Variants in MAGI1 observed in about 807,000 individuals in gnomAD.
MAGI1 encodes membrane associated guanylate kinase, WW and PDZ domain containing 1.
In MAGI1, 58 loss-of-function variants were observed where a neutral mutation model predicts 139.9. That is an observed-to-expected ratio of 0.41 (90% CI 0.34 to 0.52). MAGI1 has a LOEUF of 0.52. Among genes scored for constraint, MAGI1 ranks in the 20% least tolerant of loss-of-function variants. MAGI1 has a pLI of 0.12. For missense variants in MAGI1, 1,874 were observed against 1,901.6 expected, an observed-to-expected ratio of 0.99 and a Z score of 0.27; for synonymous variants, 812 against 737.9, an observed-to-expected ratio of 1.10 and a Z score of -1.63.
chr3:65,615,180 T>C (rs1559722716), intron 2 of MAGI1, among the ~76,000 whole-genome samples: 1 of 152,162 alleles, frequency 6.6e-6, no homozygotes, highest in Admixed American at 6.5e-5. Flanking sequence ...TCAGTTTTAT[T>C]GCTGACAAAA....
At chr3:65,689,066 T>G (rs1368749825) in intron 1 of MAGI1, among the ~76,000 whole-genome samples, 2 of 152,202 alleles carry the variant, frequency 1.3e-5, no homozygotes, top group Non-Finnish European at 1.5e-5. Context: ...GTCACTAAAA[T>G]GTGGCATCTA....
intron 2 of MAGI1, among the ~76,000 whole-genome samples, chr3:65,523,409 GGAAGAGAGGGAGGC>G (rs1230243947): frequency 2.0e-5 from 3 of 151,446 alleles, no homozygotes; most frequent in Non-Finnish European, 4.4e-5. Context: ...ATTTTAAAAA[GGAAGAGAGGGAGGC>G]GAAGAGAGGG....
At chr3:65,904,000 T>C (rs1290071685) in intron 1 of MAGI1, among the ~76,000 whole-genome samples, 2 of 151,010 alleles carry the variant, frequency 1.3e-5, no homozygotes, top group Admixed American at 6.6e-5. Flanking sequence ...AGAGCAAGAC[T>C]CTTTCTCAAA....
intron 7 of MAGI1, among the ~76,000 whole-genome samples, chr3:65,447,071 C>A (rs1228745277): frequency 6.6e-6 from 1 of 152,150 alleles, no homozygotes; most frequent in Non-Finnish European, 1.5e-5. Context: ...AAATGCCAGG[C>A]AGATTCAATA....
intron 2 of MAGI1, among the ~76,000 whole-genome samples, chr3:65,600,725 T>C (rs911602874): frequency 1.3e-5 from 2 of 152,378 alleles, no homozygotes; most frequent in East Asian, 1.9e-4. Flanking sequence ...ACTTCTTTAC[T>C]GGCAATTTTT....
chr3:65,621,886 T>C (rs1260980653), intron 2 of MAGI1, 86 bp downstream of exon 2: 5 of 919,472 alleles, frequency 5.4e-6, no homozygotes, highest in East Asian at 2.6e-5. Flanking sequence ...CCAGAACCAG[T>C]TGTTGAGATC....
At chr3:65,801,828 G>T (rs1403993046) in intron 1 of MAGI1, among the ~76,000 whole-genome samples, 3 of 152,092 alleles carry the variant, frequency 2.0e-5, no homozygotes, top group African/African-American at 7.2e-5. Flanking sequence ...CAAACCCCGG[G>T]CCACAGACTG....
intron 1 of MAGI1, among the ~76,000 whole-genome samples, chr3:65,785,864 T>G (rs1393523624): frequency 6.6e-6 from 1 of 152,124 alleles, no homozygotes; most frequent in Non-Finnish European, 1.5e-5. Context: ...AGAGACATTG[T>G]GTGAAATCAA....
chr3:65,979,910 A>G (rs911725289), intron 1 of MAGI1, among the ~76,000 whole-genome samples: 1 of 152,220 alleles, frequency 6.6e-6, no homozygotes, highest in African/African-American at 2.4e-5. Context: ...CCAGAGAGTC[A>G]TCTTGAAAGT....
chr3:65,462,527 T>C (rs902309405), intron 5 of MAGI1, among the ~76,000 whole-genome samples: 1 of 152,214 alleles, frequency 6.6e-6, no homozygotes, highest in African/African-American at 2.4e-5. Context: ...TGTAGCCTTG[T>C]AGTATAGTTT....
At chr3:65,478,504 G>A in intron 4 of MAGI1, 88 bp downstream of exon 4, 1 of 1,309,492 alleles carries the variant, frequency 7.6e-7, no homozygotes, top group East Asian at 2.3e-5. Context: ...TCCCTCCTGA[G>A]AACAGCATCC....
At chr3:65,453,228 A>G in intron 6 of MAGI1, 30 bp downstream of exon 6, 2 of 1,606,284 alleles carry the variant, frequency 1.2e-6, no homozygotes, top group South Asian at 2.2e-5. Flanking sequence ...CCCCCAATTC[A>G]CTTAACCCAA....
intron 2 of MAGI1, chr3:65,619,729 G>A (rs1171456387): frequency 2.5e-6 from 1 of 395,232 alleles, no homozygotes; most frequent in Non-Finnish European, 3.4e-6. Flanking sequence ...TAAGTCGAAA[G>A]AATCCCAAGT....
chr3:65,748,195 T>A (rs1408611996), intron 1 of MAGI1, among the ~76,000 whole-genome samples: 1 of 152,198 alleles, frequency 6.6e-6, no homozygotes, highest in Non-Finnish European at 1.5e-5. Context: ...TGCTCTTATT[T>A]TATTCCTAAA....
At chr3:65,502,379 G>C (rs906385627) in intron 2 of MAGI1, among the ~76,000 whole-genome samples, 2 of 134,810 alleles carry the variant, frequency 1.5e-5, no homozygotes, top group Non-Finnish European at 3.1e-5. Flanking sequence ...ATGTCAATTT[G>C]AGACTTTCTG....
Position 65,478,815 on chromosome 3 carries a change from C to A in MAGI1, c.551-17G>T, listed in dbSNP as rs1458845816. The stretch of plus-strand genomic sequence containing the variant: ...AATAGTTTCCTAGGTGATGGAGAGA[C>A]ACATTTGCATGTTTCAAAAGGAATA... On this transcript the variant is annotated splice_polypyrimidine_tract_variant and intron_variant, in intron 3 of 22. Coordinates refer to ENST00000402939, the MANE Select transcript of MAGI1 (RefSeq NM_001033057.2). 35 of 1,580,442 alleles carry A rather than the reference C, an allele frequency of 2.2e-5. No individual in the cohort carries two copies. The highest frequency in any genetic ancestry group is 3.0e-5 in the Non-Finnish European group (35 of 1,150,562).
At chr3:65,694,340 T>A (rs1297642786) in intron 1 of MAGI1, among the ~76,000 whole-genome samples, 2 of 152,184 alleles carry the variant, frequency 1.3e-5, no homozygotes, top group Admixed American at 1.3e-4. Context: ...TGCCATGGTT[T>A]AATCTATAGG....
intron 2 of MAGI1, among the ~76,000 whole-genome samples, chr3:65,591,225 A>G (rs1367634084): frequency 6.6e-6 from 1 of 152,070 alleles, no homozygotes; most frequent in East Asian, 1.9e-4. Context: ...CCTGATCTTA[A>G]ACTAAGAGAT....
intron 2 of MAGI1, among the ~76,000 whole-genome samples, chr3:65,496,065 A>G (rs1450157938): frequency 6.6e-6 from 1 of 152,186 alleles, no homozygotes; most frequent in Admixed American, 6.5e-5. Context: ...TTTCAGAGAC[A>G]GAGTCTCGCT....
Sources: gnomAD v4.1 joint callset for allele counts (sites outside exome capture counted in the v4.1 genomes callset) on GRCh38, gnomAD v4.1.1 for gene constraint, MANE v1.5 for transcripts, NCBI Gene and HGNC (gene_info 2026-07-23, HGNC 2026-07-21) for gene names.